PTPRN2: variants seen among roughly 807,000 people sequenced by gnomAD.
PTPRN2 encodes receptor-type tyrosine-protein phosphatase N2.
Under a neutral mutation model 118.8 loss-of-function variants are expected in PTPRN2, and 74 were observed. That is an observed-to-expected ratio of 0.62 (90% CI 0.52 to 0.76). The LOEUF (loss-of-function observed/expected upper bound fraction) is 0.76, where lower values mean the gene tolerates loss of function less well. PTPRN2 is among the 30% of genes least tolerant of loss of function. The probability of loss-of-function intolerance (pLI) is 0.00; values close to 1 mark genes in which losing one functional copy is unlikely to be tolerated. For missense variants in PTPRN2, 1,481 were observed against 1,394.4 expected (o/e 1.06, Z -0.99); for synonymous variants, 641 against 608.0 (o/e 1.05, Z -0.80).
chr7:157,812,972 C>T (rs369900967), intron 12 of PTPRN2, among the ~76,000 whole-genome samples: 11 of 152,292 alleles, frequency 7.2e-5, no homozygotes, highest in South Asian at 4.1e-4. Context: ...CCACATTCCA[C>T]GCTGCTCCCT....
At chr7:158,483,955 T>C (rs1470774582) in intron 2 of PTPRN2, among the ~76,000 whole-genome samples, 2 of 151,938 alleles carry the variant, frequency 1.3e-5, no homozygotes, top group Admixed American at 6.6e-5. Flanking sequence ...CTGGGAAACA[T>C]AGTGAGACTC....
intron 12 of PTPRN2, among the ~76,000 whole-genome samples, chr7:157,754,632 G>C (rs566417422): frequency 6.6e-6 from 1 of 152,330 alleles, no homozygotes; most frequent in South Asian, 2.1e-4. Context: ...GGCTGGAAAG[G>C]TGCCCAGTCT....
At chr7:158,029,177 CGT>C (rs2128881102) in intron 11 of PTPRN2, 2 of 131,520 alleles carry the variant, frequency 1.5e-5, no homozygotes, top group Middle Eastern at 3.6e-3. Context: ...GCACGGGGTC[CGT>C]ATCCACTCGC....
Position 158,438,479 on chromosome 7 carries a change from G to T in PTPRN2, c.163+51256C>A, listed in dbSNP as rs939756781. Among the ~76,000 whole-genome samples, 2 of 152,148 alleles carry T rather than the reference G, an allele frequency of 1.3e-5. No individual in the cohort carries two copies. The highest frequency in any genetic ancestry group is 4.8e-5 in the African/African-American group (2 of 41,422). On this transcript the variant is annotated intron_variant, in intron 2 of 22. Coordinates refer to ENST00000389418, the MANE Select transcript of PTPRN2 (RefSeq NM_002847.5). The surrounding 1 kb of genome is among the most constrained non-coding windows in gnomAD (Gnocchi z 4.7). ...ATACATTGTGGAATCATCAAAACAG[G>T]CTAATTAACAGGATCTTGGCCTCTC...
At chr7:158,172,949 A>G (rs934240795) in intron 5 of PTPRN2, among the ~76,000 whole-genome samples, 1 of 139,876 alleles carries the variant, frequency 7.1e-6, no homozygotes, top group Non-Finnish European at 1.5e-5. Context: ...TCCACCATCA[A>G]CAGCAGCATC....
chr7:158,054,541 C>T (rs1236478956), intron 11 of PTPRN2, among the ~76,000 whole-genome samples: 3 of 152,224 alleles, frequency 2.0e-5, no homozygotes, highest in Non-Finnish European at 2.9e-5. Context: ...ATTCATGCAA[C>T]GAACACGTCA....
chr7:158,207,208 T>C lies in PTPRN2; in HGVS notation c.278-1935A>G, dbSNP rs538692906. Among the ~76,000 whole-genome samples the C allele has an allele frequency of 6.4e-4, 91 of 142,258 alleles. 1 individual carries two copies. The highest frequency in any genetic ancestry group is 2.4e-3 in the African/African-American group (87 of 36,794). 93.3% of individuals were successfully genotyped at this position (142,258 alleles called of 152,430 possible). The stretch of plus-strand genomic sequence containing the variant: ...CACATTTTCTTAATCCGGTCTATCA[T>C]TGTTGGACATTTGGGTTGGTTCCAA... On this transcript the variant is annotated intron_variant, in intron 3 of 22. Transcript: ENST00000389418.
chr7:157,568,869 A>T, intron 21 of PTPRN2, 33 bp downstream of exon 21: 1 of 1,528,028 alleles, frequency 6.5e-7, no homozygotes, highest in East Asian at 2.2e-5. Context: ...CCCAGCTCTG[A>T]GCCGCAACAA....
intron 12 of PTPRN2, among the ~76,000 whole-genome samples, chr7:157,770,048 TC>T (rs1468112634): frequency 4.6e-5 from 7 of 152,212 alleles, no homozygotes; most frequent in African/African-American, 1.7e-4. Context: ...CTCTGTGGCT[TC>T]CTTGGTCTCC....
At chr7:157,574,484 G>C in intron 19 of PTPRN2, 1 of 478,842 alleles carries the variant, frequency 2.1e-6, no homozygotes, top group South Asian at 1.5e-5. Flanking sequence ...GAGCACCATT[G>C]CACACAGCAA....
At chr7:158,472,573 T>C (rs1819938465) in intron 2 of PTPRN2, among the ~76,000 whole-genome samples, 1 of 152,266 alleles carries the variant, frequency 6.6e-6, no homozygotes, top group Admixed American at 6.5e-5. Flanking sequence ...AGGCCTGGAA[T>C]AGAGAGAGCA....
chr7:157,800,263 C>T (rs549948302), intron 12 of PTPRN2, among the ~76,000 whole-genome samples: 2 of 152,334 alleles, frequency 1.3e-5, no homozygotes, highest in South Asian at 2.1e-4. Context: ...GGCTTCTTCT[C>T]GTCCTAACGC....
chr7:158,282,822 A>G (rs1799518690), intron 3 of PTPRN2, among the ~76,000 whole-genome samples: 1 of 150,154 alleles, frequency 6.7e-6, no homozygotes, highest in East Asian at 2.0e-4. Flanking sequence ...GCTCCCACAC[A>G]CACAGCAGCC....
rs558604517 is a variant in PTPRN2, at chr7:157,953,004, T to C, written c.1724-54267A>G. Among the ~76,000 whole-genome samples the C allele has an allele frequency of 1.3e-5, 2 of 151,754 alleles. No homozygotes were observed. The highest frequency in any genetic ancestry group is 4.8e-5 in the African/African-American group (2 of 41,394). On this transcript the variant is annotated intron_variant, in intron 11 of 22. Coordinates refer to ENST00000389418, the MANE Select transcript of PTPRN2 (RefSeq NM_002847.5). This position sits in a 1 kb window ranked among gnomAD's most constrained non-coding sequence, Gnocchi z 4.6. ...CTCCATTGGCCCACAGGGTGAGCTA[T>C]CCAGTTCCAGGAGCCACCTGACCAC...
chr7:157,936,969 A>G (rs928566617), intron 11 of PTPRN2, among the ~76,000 whole-genome samples: 2 of 152,226 alleles, frequency 1.3e-5, no homozygotes, highest in African/African-American at 4.8e-5. Context: ...TCTTTCTGCA[A>G]TATTCTGTAA....
chr7:158,351,946 G>T (rs1477130592), intron 2 of PTPRN2, among the ~76,000 whole-genome samples: 4 of 111,294 alleles, frequency 3.6e-5, no homozygotes, highest in Non-Finnish European at 3.8e-5. Context: ...CCTCCTGACC[G>T]CTCCCCTCCT....
chr7:157,950,718 AAAGAC>A (rs1800757887), intron 11 of PTPRN2, among the ~76,000 whole-genome samples: 1 of 152,198 alleles, frequency 6.6e-6, no homozygotes, highest in Non-Finnish European at 1.5e-5. Context: ...ATTCTACAGA[AAAGAC>A]AAGCAAGGTC....
intron 12 of PTPRN2, among the ~76,000 whole-genome samples, chr7:157,731,301 C>T (rs1173066870): frequency 6.6e-6 from 1 of 152,190 alleles, no homozygotes; most frequent in Non-Finnish European, 1.5e-5. Context: ...CCTGTTACAG[C>T]CTAGTTGCAT....
rs1810105543 is a variant in PTPRN2 at position 158,059,326 on chromosome 7, ACG to A, written c.1723+21970_1723+21971del. Among the ~76,000 whole-genome samples, 5 of 136,922 alleles carry A rather than the reference ACG, an allele frequency of 3.7e-5. 1 individual carries two copies. The highest frequency in any genetic ancestry group is 7.6e-5 in the Non-Finnish European group (5 of 66,186). 89.8% of individuals were successfully genotyped at this position (136,922 alleles called of 152,430 possible). On this transcript the variant is annotated intron_variant, in intron 11 of 22. Coordinates refer to ENST00000389418, the MANE Select transcript of PTPRN2 (RefSeq NM_002847.5). ...AGCCACACTCCATCTGCACACAGTG[ACG>A]CATCACTGCAGCCACACTCCATCTG... is the stretch of plus-strand genomic sequence containing the variant.
Sources: gnomAD v4.1 joint callset for allele counts (sites outside exome capture counted in the v4.1 genomes callset) on GRCh38, gnomAD v4.1.1 for gene constraint, Gnocchi (gnomAD v3.1) non-coding constraint, MANE v1.5 for transcripts, NCBI Gene and HGNC (gene_info 2026-07-23, HGNC 2026-07-21) for gene names.